The following NAALADL2 variants were observed in gnomAD, a reference collection of about 807,000 sequenced individuals.
The protein encoded by NAALADL2 is inactive N-acetylated-alpha-linked acidic dipeptidase-like protein 2.
NAALADL2 carries 76 observed loss-of-function variants against 87.2 expected under a neutral mutation model. The ratio of observed to expected loss-of-function variants is 0.87; its 90% CI spans 0.72 to 1.05. NAALADL2 has a LOEUF of 1.05. Ranked by LOEUF, NAALADL2 falls within the 50% of genes least tolerant of loss-of-function variation. The pLI is 0.00. For synonymous variants in NAALADL2, 354 were observed against 331.0 expected, an observed-to-expected ratio of 1.07 and a Z score of -0.75; for missense variants, 1,089 against 945.8, an observed-to-expected ratio of 1.15 and a Z score of -1.99.
chr3:174,648,315 C>G (rs1444608967), intron 2 of NAALADL2, among the ~76,000 whole-genome samples: 2 of 150,800 alleles, frequency 1.3e-5, no homozygotes, highest in East Asian at 3.9e-4. Context: ...AAGAGTGAAA[C>G]TCTGCCTCAA....
In NAALADL2 at chr3:174,801,035, G is replaced by A. The variant is rs191239095; in HGVS notation, c.-9+63289G>A. Among the ~76,000 whole-genome samples the A allele has an allele frequency of 1.2e-4, 18 of 152,304 alleles. No homozygotes were observed. In the South Asian group the frequency reaches 2.1e-3, roughly 18 times the overall value. On this transcript the variant is annotated intron_variant, in intron 3 of 3. Transcript: ENST00000434257. ...GATTTTACAGAGTCATAGGTGGAAA[G>A]GACTTGTCTTGTCTCAGATGAGACT...
At chr3:174,633,023 T>G (rs1722295534) in intron 2 of NAALADL2, among the ~76,000 whole-genome samples, 1 of 152,038 alleles carries the variant, frequency 6.6e-6, no homozygotes, top group Non-Finnish European at 1.5e-5. Flanking sequence ...ATGTTTATTG[T>G]TATAAATAAT....
At chr3:175,447,771 C>T (rs368237132) in intron 6 of NAALADL2, among the ~76,000 whole-genome samples, 229 of 152,272 alleles carry the variant, frequency 1.5e-3, no homozygotes, top group African/African-American at 5.3e-3. Context: ...AGCATTAAAG[C>T]CTAATTCCTG....
intron 1 of NAALADL2, among the ~76,000 whole-genome samples, chr3:174,950,418 T>C (rs1334475011): frequency 1.3e-5 from 2 of 152,148 alleles, no homozygotes; most frequent in Non-Finnish European, 2.9e-5. Context: ...TTCATTGTTA[T>C]ACTTTGCTGT....
intron 3 of NAALADL2, among the ~76,000 whole-genome samples, chr3:174,826,700 T>A (rs1722038031): frequency 6.6e-6 from 1 of 152,174 alleles, no homozygotes; most frequent in South Asian, 2.1e-4. Flanking sequence ...TTTGTAAGAA[T>A]AAAATCAGAT....
intron 3 of NAALADL2, among the ~76,000 whole-genome samples, chr3:175,236,427 T>C (rs545560383): frequency 3.1e-4 from 47 of 151,196 alleles, no homozygotes; most frequent in Middle Eastern, 6.9e-3. Flanking sequence ...CAGGCTCCTG[T>C]AATCCCAGCT....
At chr3:175,097,685 C>G (rs1721392838) in intron 2 of NAALADL2, among the ~76,000 whole-genome samples, 3 of 152,040 alleles carry the variant, frequency 2.0e-5, no homozygotes, top group Admixed American at 6.6e-5. Flanking sequence ...AATAAACCTG[C>G]TTTATGGGCT....
At chr3:174,696,003 A>C (rs1728977720) in intron 2 of NAALADL2, among the ~76,000 whole-genome samples, 1 of 152,010 alleles carries the variant, frequency 6.6e-6, no homozygotes, top group East Asian at 1.9e-4. Flanking sequence ...CTGCATAACA[A>C]AGATTTTTCC....
At chr3:175,368,884 C>T (rs747514655) in intron 5 of NAALADL2, among the ~76,000 whole-genome samples, 21 of 151,746 alleles carry the variant, frequency 1.4e-4, no homozygotes, top group Non-Finnish European at 2.5e-4. Flanking sequence ...AAAGGTACAG[C>T]GAAATATGAT....
intron 3 of NAALADL2, among the ~76,000 whole-genome samples, chr3:174,849,877 A>G (rs1238655904): frequency 3.3e-5 from 5 of 151,010 alleles, no homozygotes; most frequent in Non-Finnish European, 7.4e-5. Flanking sequence ...TGTTGTACCT[A>G]TTATTTTTGA....
At chr3:174,553,403 T>C (rs1306323170) in intron 2 of NAALADL2, among the ~76,000 whole-genome samples, 2 of 152,176 alleles carry the variant, frequency 1.3e-5, no homozygotes, top group African/African-American at 2.4e-5. Context: ...GCTTAAGCTA[T>C]GCAAAACTGC....
chr3:175,600,863 C>A (rs944875517), intron 10 of NAALADL2, among the ~76,000 whole-genome samples: 10 of 152,052 alleles, frequency 6.6e-5, no homozygotes, highest in Non-Finnish European at 1.3e-4. Flanking sequence ...CAAAGTTGAG[C>A]CAACTAACCA....
chr3:175,122,498 G>A (rs570223731), intron 2 of NAALADL2, among the ~76,000 whole-genome samples: 5 of 151,852 alleles, frequency 3.3e-5, no homozygotes, highest in East Asian at 1.9e-4. Context: ...AGTTGACTAA[G>A]GGACTTCAAG....
At chr3:174,902,981 CT>C (rs956118893) in intron 1 of NAALADL2, among the ~76,000 whole-genome samples, 1 of 152,082 alleles carries the variant, frequency 6.6e-6, no homozygotes, top group African/African-American at 2.4e-5. Context: ...TATCATACTC[CT>C]GGGGCAAAAC....
chr3:175,376,545 T>C (rs114675020), intron 5 of NAALADL2, among the ~76,000 whole-genome samples: 2 of 152,212 alleles, frequency 1.3e-5, no homozygotes, highest in South Asian at 4.1e-4. Flanking sequence ...CTTTTAAGAG[T>C]TTTTATTTAT....
At chr3:174,904,872 T>A (rs1263924694) in intron 1 of NAALADL2, among the ~76,000 whole-genome samples, 2 of 63,392 alleles carry the variant, frequency 3.2e-5, no homozygotes, top group East Asian at 8.1e-4. Context: ...TTATTAAGCA[T>A]TTTTTTTCTG....
intron 9 of NAALADL2, among the ~76,000 whole-genome samples, chr3:175,571,129 T>C (rs1356224765): frequency 1.3e-5 from 2 of 152,218 alleles, no homozygotes; most frequent in African/African-American, 2.4e-5. Flanking sequence ...ATTTAACTAA[T>C]GCAAGTATTG....
At chr3:175,401,861 C>T (rs1770602573) in intron 5 of NAALADL2, among the ~76,000 whole-genome samples, 1 of 152,052 alleles carries the variant, frequency 6.6e-6, no homozygotes, top group South Asian at 2.1e-4. Context: ...AAGCTCCTTC[C>T]ATGTAAGCAT....
At chr3:175,523,804 C>T (rs926299586) in intron 9 of NAALADL2, among the ~76,000 whole-genome samples, 2 of 152,024 alleles carry the variant, frequency 1.3e-5, no homozygotes, top group Non-Finnish European at 2.9e-5. Context: ...AGCAGGTAAT[C>T]GGTATGAGTC....
Sources: allele counts gnomAD v4.1 joint callset (sites outside exome capture counted in the v4.1 genomes callset), GRCh38; gene constraint gnomAD v4.1.1; transcripts MANE v1.5; gene names NCBI Gene and HGNC (gene_info 2026-07-23, HGNC 2026-07-21).